The following EBF2 variants were observed in gnomAD, a reference collection of about 807,000 sequenced individuals.
The protein encoded by EBF2 is EBF transcription factor 2, also known as transcription factor COE2.
Under a neutral mutation model 72.8 loss-of-function variants are expected in EBF2, and 21 were observed. The observed-to-expected ratio is 0.29, with a 90% confidence interval of 0.20 to 0.42. EBF2 has a LOEUF of 0.42. Among genes scored for constraint, EBF2 ranks in the 10% least tolerant of loss-of-function variants. EBF2 has a pLI of 1.00. For missense variants in EBF2, 637 were observed against 731.2 expected (o/e 0.87, Z 1.49); for synonymous variants, 299 against 274.2 (o/e 1.09, Z -0.89).
intron 15 of EBF2, among the ~76,000 whole-genome samples, chr8:25,847,484 C>T (rs756046450): frequency 5.8e-4 from 89 of 152,306 alleles, no homozygotes; most frequent in African/African-American, 1.5e-3. Context: ...TGGTCTAAAA[C>T]GAGGAAGAGC....
chr8:25,907,248 A>G (rs1350816811), intron 7 of EBF2, among the ~76,000 whole-genome samples: 1 of 151,426 alleles, frequency 6.6e-6, no homozygotes, highest in East Asian at 1.9e-4. Flanking sequence ...GCAAAACCCC[A>G]TCTCTACCAA....
At chr8:25,931,029 C>G (rs77791094) in intron 6 of EBF2, among the ~76,000 whole-genome samples, 2,493 of 152,208 alleles carry the variant, frequency 0.016, 70 homozygotes, top group African/African-American at 0.057. Flanking sequence ...AAACTTCAAA[C>G]TAAATTTTTA....
In EBF2 at chr8:26,040,679, G is replaced by C; in HGVS notation, c.353-8C>G. 1 of 1,554,484 alleles carries C rather than the reference G, an allele frequency of 6.4e-7. No individual in the cohort carries two copies. The highest frequency in any genetic ancestry group is 8.7e-7 in the Non-Finnish European group (1 of 1,148,476). On this transcript the variant is annotated splice_region_variant and splice_polypyrimidine_tract_variant and intron_variant, in intron 3 of 15. Coordinates refer to ENST00000520164, the MANE Select transcript of EBF2 (RefSeq NM_022659.4). ...CCTGTTCCGTGCGGACACCTGCGGG[G>C]ACCGGAGGGGCACGAGTCAAGGGCC...
At chr8:25,932,803 CT>C (rs756847350) in intron 6 of EBF2, among the ~76,000 whole-genome samples, 209 of 145,498 alleles carry the variant, frequency 1.4e-3, no homozygotes, top group African/African-American at 3.0e-3. Flanking sequence ...CAGAAGCAGA[CT>C]TTTTTTTTTT....
In EBF2 at chr8:25,876,213, G is replaced by A. The variant is rs149362144; in HGVS notation, c.1009+10542C>T. 9.2e-5 allele frequency among the ~76,000 whole-genome samples: 14 copies of A among 152,256 alleles called. No individual in the cohort carries two copies. The East Asian group carries it at 2.7e-3, about 30-fold the overall frequency. On this transcript the variant is annotated intron_variant, in intron 10 of 15. Coordinates refer to ENST00000520164, the MANE Select transcript of EBF2 (RefSeq NM_022659.4). ...CACTCATAAGTGGGAGCTGAACAAT[G>A]AGAACACATGGACACAGGGAGGGGA...
chr8:25,944,334 A>G (rs765254808), intron 6 of EBF2, among the ~76,000 whole-genome samples: 2 of 151,970 alleles, frequency 1.3e-5, no homozygotes, highest in Non-Finnish European at 2.9e-5. Flanking sequence ...TCTTACTTAC[A>G]TCTCCCTTCA....
At chr8:25,957,669 C>A (rs1442189439) in intron 6 of EBF2, among the ~76,000 whole-genome samples, 3 of 152,076 alleles carry the variant, frequency 2.0e-5, no homozygotes. Flanking sequence ...TCAAGACCAG[C>A]CTAGGCAACA....
intron 6 of EBF2, among the ~76,000 whole-genome samples, chr8:26,015,190 G>T (rs1001026315): frequency 6.6e-6 from 1 of 152,126 alleles, no homozygotes; most frequent in Non-Finnish European, 1.5e-5. Flanking sequence ...GTGATGGGTA[G>T]GCCAAGAAAA....
intron 10 of EBF2, among the ~76,000 whole-genome samples, chr8:25,877,590 A>G (rs1328918704): frequency 1.3e-5 from 2 of 152,098 alleles, no homozygotes; most frequent in African/African-American, 2.4e-5. Context: ...AACCAGGTAC[A>G]CCTAATAATG....
chr8:25,949,352 A>G, intron 6 of EBF2, among the ~76,000 whole-genome samples: 1 of 152,110 alleles, frequency 6.6e-6, no homozygotes, highest in Non-Finnish European at 1.5e-5. Flanking sequence ...CCATAATCAC[A>G]TTGGAAGTTT....
chr8:25,895,002 T>A (rs1333513214), intron 7 of EBF2, among the ~76,000 whole-genome samples: 1 of 152,208 alleles, frequency 6.6e-6, no homozygotes, highest in Non-Finnish European at 1.5e-5. Flanking sequence ...AGGCTGTCAC[T>A]CTATTGGCAC....
chr8:26,005,070 A>AC (rs1804816583), intron 6 of EBF2, among the ~76,000 whole-genome samples: 1 of 149,544 alleles, frequency 6.7e-6, no homozygotes, highest in African/African-American at 2.5e-5. Context: ...GCCCAGAAAC[A>AC]CAAGTACAAT....
chr8:25,888,734 C>A lies in EBF2; in HGVS notation c.752-762G>T, dbSNP rs113511101. On this transcript the variant is annotated intron_variant, in intron 8 of 15. Transcript: ENST00000520164. ...TGGACTTTATATCCCAACAGGAACC[C>A]AATATGGTTTTCAGGCCATAACTAA... is the stretch of plus-strand genomic sequence containing the variant. 2.0e-3 allele frequency among the ~76,000 whole-genome samples: 310 copies of A among 152,282 alleles called. 2 individuals carry two copies. Among genetic ancestry groups the A allele is most frequent in the African/African-American group, 7.1e-3 (294 of 41,566 alleles).
chr8:25,866,484 A>C (rs1802319507), intron 10 of EBF2, among the ~76,000 whole-genome samples: 1 of 142,784 alleles, frequency 7.0e-6, no homozygotes, highest in Admixed American at 7.2e-5. Flanking sequence ...ATAATATAAA[A>C]ATATATAATA....
intron 6 of EBF2, among the ~76,000 whole-genome samples, chr8:25,915,802 A>AAT (rs1422051746): frequency 3.9e-5 from 6 of 152,180 alleles, no homozygotes; most frequent in African/African-American, 1.4e-4. Flanking sequence ...GGGACAGAGC[A>AAT]GGATCTCCAT....
intron 15 of EBF2, among the ~76,000 whole-genome samples, chr8:25,848,630 C>T (rs2117244738): frequency 6.6e-6 from 1 of 152,270 alleles, no homozygotes; most frequent in South Asian, 2.1e-4. Flanking sequence ...AGACAACCAG[C>T]TCCACTTTCC....
At chr8:25,929,691 C>G (rs1463446689) in intron 6 of EBF2, among the ~76,000 whole-genome samples, 1 of 152,170 alleles carries the variant, frequency 6.6e-6, no homozygotes. Context: ...CACAATGACT[C>G]CCTCCTTGGG....
intron 6 of EBF2, among the ~76,000 whole-genome samples, chr8:25,933,342 T>C (rs1218701339): frequency 6.6e-6 from 1 of 152,176 alleles, no homozygotes; most frequent in East Asian, 1.9e-4. Context: ...GCATTAAGAA[T>C]GGACATATTA....
intron 6 of EBF2, among the ~76,000 whole-genome samples, chr8:26,030,172 T>C (rs1360017823): frequency 6.6e-6 from 1 of 152,156 alleles, no homozygotes; most frequent in Non-Finnish European, 1.5e-5. Context: ...AAGGCTAAGG[T>C]AAACCCGAAA....
Sources: allele counts gnomAD v4.1 joint callset (sites outside exome capture counted in the v4.1 genomes callset), GRCh38; gene constraint gnomAD v4.1.1; transcripts MANE v1.5; gene names NCBI Gene and HGNC (gene_info 2026-07-23, HGNC 2026-07-21).